The following UTRN variants were observed in gnomAD, a reference collection of about 807,000 sequenced individuals.
UTRN encodes the protein utrophin, also known as dystrophin-related protein 1.
Under a neutral mutation model 463.9 loss-of-function variants are expected in UTRN, and 283 were observed. The ratio of observed to expected loss-of-function variants is 0.61; its 90% confidence interval spans 0.55 to 0.67. UTRN has a LOEUF of 0.67. Ranked by LOEUF, UTRN falls within the 30% of genes least tolerant of loss-of-function variation. UTRN has a pLI of 0.00. For synonymous variants in UTRN, 1,442 were observed against 1,431.5 expected (o/e 1.01, Z -0.17); for missense variants, 3,922 against 4,084.3 (o/e 0.96, Z 1.08).
chr6:144,300,077 AGTCTTGTGATTTTTTTTTTTTTTT>A (rs1805093527), intron 2 of UTRN, among the ~76,000 whole-genome samples: 1 of 147,352 alleles, frequency 6.8e-6, no homozygotes. Flanking sequence ...ACAGCCCAAA[AGTCTTGTGATTTTTTTTTTTTTTT>A]GAGCCGTAGT....
Position 144,768,961 on chromosome 6 carries a change from T to G in UTRN, c.8496-2946T>G, listed in dbSNP as rs565489457. On this transcript the variant is annotated intron_variant, in intron 58 of 74. Transcript: ENST00000367545. ...ACTTTGTTTTTTGTTTTGTTTTGTT[T>G]TTTTTTTTTTAATTTTATTCTTGGA... Among the ~76,000 whole-genome samples, 1,033 of 150,562 alleles carry G rather than the reference T, an allele frequency of 6.9e-3. 18 individuals carry two copies. The highest frequency in any genetic ancestry group is 8.5e-3 in the Non-Finnish European group (574 of 67,852).
intron 54 of UTRN, among the ~76,000 whole-genome samples, chr6:144,734,113 C>T (rs1046464037): frequency 6.6e-6 from 1 of 152,038 alleles, no homozygotes; most frequent in Non-Finnish European, 1.5e-5. Context: ...AATGATTCCT[C>T]TCTCACCCCT....
chr6:144,792,547 CAA>C (rs879698665), intron 62 of UTRN, among the ~76,000 whole-genome samples: 1 of 138,516 alleles, frequency 7.2e-6, no homozygotes, highest in African/African-American at 2.7e-5. Flanking sequence ...CACTCCATCT[CAA>C]AAAAAAAAAG....
intron 34 of UTRN, among the ~76,000 whole-genome samples, chr6:144,509,490 A>C (rs537924300): frequency 1.3e-5 from 2 of 152,104 alleles, no homozygotes; most frequent in South Asian, 2.1e-4. Context: ...TATGCTCTTA[A>C]GTTTCCATTT....
chr6:144,438,633 T>C, intron 11 of UTRN, 112 bp from the exon 12 acceptor site: 2 of 1,314,490 alleles, frequency 1.5e-6, no homozygotes. Flanking sequence ...CTACCTTGAA[T>C]GTTTAGACAA....
intron 64 of UTRN, chr6:144,799,603 C>CAAATG: frequency 2.4e-6 from 1 of 423,308 alleles, no homozygotes; most frequent in Non-Finnish European, 4.9e-6. Context: ...GAAGATAATT[C>CAAATG]AAATGAGAGA....
chr6:144,403,969 G>C (rs569494229), intron 3 of UTRN, among the ~76,000 whole-genome samples: 189 of 152,232 alleles, frequency 1.2e-3, no homozygotes, highest in Middle Eastern at 3.4e-3. Flanking sequence ...TAGTATAAAA[G>C]CTATTTTAAT....
intron 51 of UTRN, among the ~76,000 whole-genome samples, chr6:144,665,069 T>C (rs1383418993): frequency 6.6e-6 from 1 of 152,190 alleles, no homozygotes; most frequent in Non-Finnish European, 1.5e-5. Flanking sequence ...GAAATTGTTC[T>C]AACCTCATTT....
At chr6:144,750,941 T>C (rs552368011) in intron 55 of UTRN, among the ~76,000 whole-genome samples, 4 of 152,274 alleles carry the variant, frequency 2.6e-5, no homozygotes, top group South Asian at 2.1e-4. Context: ...GTGGCATTTG[T>C]CAATTCTAAG....
intron 69 of UTRN, 96 bp from the exon 70 acceptor site, chr6:144,835,684 C>A: frequency 1.3e-6 from 2 of 1,531,104 alleles, no homozygotes; most frequent in South Asian, 1.3e-5. Context: ...CTTGGCCCAG[C>A]CACTATCCTG....
At chr6:144,775,921 C>T (rs1393949657) in intron 60 of UTRN, among the ~76,000 whole-genome samples, 1 of 152,198 alleles carries the variant, frequency 6.6e-6, no homozygotes, top group East Asian at 1.9e-4. Flanking sequence ...GGACGCTTCT[C>T]CAACTTCTAA....
At chr6:144,583,562 A>C (rs1279917853) in intron 51 of UTRN, 1 of 714,840 alleles carries the variant, frequency 1.4e-6, no homozygotes. Context: ...CTTACAAAGG[A>C]TGGCAGTTTC....
At chr6:144,470,665 C>T (rs1356382295) in intron 23 of UTRN, among the ~76,000 whole-genome samples, 1 of 152,106 alleles carries the variant, frequency 6.6e-6, no homozygotes, top group Non-Finnish European at 1.5e-5. Context: ...CTTTGGGAGG[C>T]CAAAGCAGGC....
At chr6:144,797,605 T>C in intron 63 of UTRN, 1 of 432,214 alleles carries the variant, frequency 2.3e-6, no homozygotes, top group South Asian at 4.9e-5. Context: ...TTGGTATTTT[T>C]TTGCTTCTTC....
At chr6:144,540,124 A>G (rs1186622213) in intron 45 of UTRN, among the ~76,000 whole-genome samples, 3 of 152,078 alleles carry the variant, frequency 2.0e-5, no homozygotes, top group African/African-American at 7.2e-5. Flanking sequence ...TTTATTTTCA[A>G]TGATTTTTTT....
intron 2 of UTRN, among the ~76,000 whole-genome samples, chr6:144,345,012 A>T (rs1000999239): frequency 1.3e-5 from 2 of 152,054 alleles, no homozygotes; most frequent in Non-Finnish European, 2.9e-5. Context: ...GGAGGGGAAA[A>T]ACCCCAAGTG....
chr6:144,542,666 C>A, intron 45 of UTRN, 129 bp from the exon 46 acceptor site: 1 of 855,214 alleles, frequency 1.2e-6, no homozygotes, highest in Non-Finnish European at 1.8e-6. Context: ...GAAGGTAGAG[C>A]CAGAAGTTTA....
intron 61 of UTRN, among the ~76,000 whole-genome samples, chr6:144,784,265 A>G (rs1438818128): frequency 1.3e-5 from 2 of 152,250 alleles, no homozygotes; most frequent in East Asian, 1.9e-4. Flanking sequence ...TGGGGCTGCC[A>G]TAACAAAGAA....
chr6:144,367,950 T>C (rs1370859473), intron 2 of UTRN, among the ~76,000 whole-genome samples: 1 of 152,034 alleles, frequency 6.6e-6, no homozygotes, highest in Admixed American at 6.6e-5. Flanking sequence ...CCTGGCTGAT[T>C]TTTGTATTTT....
Sources: gnomAD v4.1 joint callset for allele counts (sites outside exome capture counted in the v4.1 genomes callset) on GRCh38, gnomAD v4.1.1 for gene constraint, MANE v1.5 for transcripts, NCBI Gene and HGNC (gene_info 2026-07-23, HGNC 2026-07-21) for gene names.